Variants in PNPLA8 observed in about 807,000 individuals in gnomAD.
PNPLA8 encodes patatin like domain 8, phospholipase A2.
Under a neutral mutation model 76.9 loss-of-function variants are expected in PNPLA8, and 39 were observed. The ratio of observed to expected loss-of-function variants is 0.51; its 90% CI spans 0.39 to 0.66. The LOEUF is 0.66. Ranked by LOEUF, PNPLA8 falls within the 30% of genes least tolerant of loss-of-function variation. PNPLA8 has a pLI of 0.00. For synonymous variants in PNPLA8, 301 were observed against 307.9 expected (o/e 0.98, Z 0.24); for missense variants, 887 against 918.0 (o/e 0.97, Z 0.44).
Position 108,497,410 on chromosome 7 carries a change from TA to T in PNPLA8, c.1453+72del, listed in dbSNP as rs1443136850. ...TGAAGAAGGCAAAGGACTATGATCT[TA>T]AACATAAGTGCTTAATGTTCTTTTC... On this transcript the variant is annotated intron_variant, in intron 6 of 10. Transcript: ENST00000257694. The T allele has an allele frequency of 7.9e-5, 80 of 1,015,846 alleles. 1 individual carries two copies. The Admixed American group carries it at 1.1e-3, about 14-fold the overall frequency. 62.9% of individuals were successfully genotyped at this position (1,015,846 alleles called of 1,614,324 possible).
rs763931573 is a variant in PNPLA8 at position 108,487,890 on chromosome 7, A to G, written c.1747T>C (p.Tyr583His). 7 of 1,613,576 alleles carry G rather than the reference A, an allele frequency of 4.3e-6. No homozygotes were observed. The East Asian group carries it at 1.6e-4, about 36-fold the overall frequency. Reference protein sequence around the residue: ...ITPKAFVFRNYGHFPGINSHY... With the variant: ...ITPKAFVFRNHGHFPGINSHY... ...GAGTTGATTCCAGGAAAATGACCAT[A>G]GTTTCTGAACACAAAAGCTTTGGGT... The change falls in exon 9 of 11, where the codon TAT (tyrosine) becomes CAT (histidine). Residue 583 changes from tyrosine to histidine, a missense_variant. Tyr to His is a moderately conservative substitution (Grantham distance 83, BLOSUM62 2). Transcript: ENST00000257694.
At chr7:108,488,045 A>C in intron 8 of PNPLA8, 92 bp from the exon 9 acceptor site, 1 of 625,478 alleles carries the variant, frequency 1.6e-6, no homozygotes, top group Non-Finnish European at 2.8e-6. Flanking sequence ...ATGAATGAAC[A>C]ATCTACAACT....
At chr7:108,496,537 T>C in intron 7 of PNPLA8, 47 bp downstream of exon 7, 1 of 1,192,042 alleles carries the variant, frequency 8.4e-7, no homozygotes, top group Non-Finnish European at 1.2e-6. Flanking sequence ...AATATGCACA[T>C]ACTACCTATA....
chr7:108,500,841 G>C (rs971766096), intron 5 of PNPLA8, among the ~76,000 whole-genome samples: 6 of 151,994 alleles, frequency 3.9e-5, no homozygotes, highest in African/African-American at 1.5e-4. Flanking sequence ...TTGAACCTGG[G>C]AGGTGGAGGT....
At chr7:108,475,972 A>G (rs1859963589) in intron 10 of PNPLA8, among the ~76,000 whole-genome samples, 1 of 152,214 alleles carries the variant, frequency 6.6e-6, no homozygotes, top group Admixed American at 6.5e-5. Context: ...CAAATCCTAT[A>G]CATCCTTTAA....
chr7:108,521,566 G>T, intron 1 of PNPLA8, 45 bp from the exon 2 acceptor site: 1 of 330,652 alleles, frequency 3.0e-6, no homozygotes, highest in Non-Finnish European at 4.3e-6. Flanking sequence ...TATAAAGTCA[G>T]CCTGAGAAGT....
At chr7:108,490,472 A>G (rs1861068341) in intron 8 of PNPLA8, among the ~76,000 whole-genome samples, 1 of 152,208 alleles carries the variant, frequency 6.6e-6, no homozygotes, top group Non-Finnish European at 1.5e-5. Context: ...GAGGCATATA[A>G]AATTTCTCTT....
chr7:108,480,715 C>A, intron 9 of PNPLA8: 1 of 420,554 alleles, frequency 2.4e-6, no homozygotes, highest in African/African-American at 2.0e-5. Context: ...CCTTGTAAAG[C>A]AGCTCATTTC....
intron 9 of PNPLA8, chr7:108,480,775 T>G (rs1860336459): frequency 5.2e-6 from 2 of 386,994 alleles, no homozygotes; most frequent in Admixed American, 5.4e-5. Context: ...TTAACTTTTT[T>G]GGTATGCAGC....
At chr7:108,526,633 G>T (rs1864107726), upstream of PNPLA8, among the ~76,000 whole-genome samples, 3 of 152,210 alleles carry the variant, frequency 2.0e-5, no homozygotes, top group Non-Finnish European at 2.9e-5. Context: ...GCGCGGCCGC[G>T]CCCCTTTCTC....
rs148811346 is a variant in PNPLA8 at position 108,474,468 on chromosome 7, G to A, written c.2075-1793C>T. The stretch of plus-strand genomic sequence containing the variant: ...CTCTATAGACAACCTGGTTGCCTAT[G>A]TTGACAATTTTGAGAAAGCTATAGA... On this transcript the variant is annotated intron_variant, in intron 10 of 10. Coordinates refer to ENST00000257694, the MANE Select transcript of PNPLA8 (RefSeq NM_001256007.3). Among the ~76,000 whole-genome samples the A allele has an allele frequency of 6.7e-3, 1,028 of 152,298 alleles. 50 individuals carry two copies. The highest frequency in any genetic ancestry group is 0.063 in the Admixed American group (966 of 15,288).
At chr7:108,488,030 G>T in intron 8 of PNPLA8, 77 bp from the exon 9 acceptor site, 1 of 788,406 alleles carries the variant, frequency 1.3e-6, no homozygotes, top group Non-Finnish European at 2.1e-6. Context: ...ATACTATTTA[G>T]TAGTATGAAT....
rs1225660158 is a variant in PNPLA8 at position 108,521,506 on chromosome 7, TGGA to T, written c.-117_-115del. The T allele has an allele frequency of 1.2e-6, 1 of 815,134 alleles. No individual in the cohort carries two copies. The highest frequency in any genetic ancestry group is 1.5e-6 in the Non-Finnish European group (1 of 674,602). The allele number at this position is 815,134 out of a possible 1,614,324, so 50.5% of individuals were successfully genotyped here. ...AAACTTCAGGTAATCATGTAGACCT[TGGA>T]GGAGAAGACAATCTATTGAGAAATA... is the stretch of plus-strand genomic sequence containing the variant. On this transcript the variant is annotated 5_prime_UTR_variant, in exon 2 of 11. Transcript: ENST00000257694.
At chr7:108,476,919 T>A (rs1313444118) in intron 10 of PNPLA8, among the ~76,000 whole-genome samples, 1 of 152,078 alleles carries the variant, frequency 6.6e-6, no homozygotes, top group Non-Finnish European at 1.5e-5. Flanking sequence ...AACATTTACA[T>A]GTGGAATCTA....
At chr7:108,486,346 A>C (rs2154515102) in intron 9 of PNPLA8, among the ~76,000 whole-genome samples, 1 of 152,254 alleles carries the variant, frequency 6.6e-6, no homozygotes, top group East Asian at 1.9e-4. Flanking sequence ...AATTTATGAC[A>C]TGGTACATAA....
chr7:108,515,036 T>A lies in PNPLA8; in HGVS notation c.456A>T (p.Gln152His). The A allele has an allele frequency of 6.2e-7, 1 of 1,607,844 alleles. No individual in the cohort carries two copies. Among genetic ancestry groups the A allele is most frequent in the Non-Finnish European group, 8.5e-7 (1 of 1,179,916 alleles). ...SGWLKQKNIKQAIKSLKKYSD... is the reference protein window; with the variant it reads ...SGWLKQKNIKHAIKSLKKYSD... The stretch of plus-strand genomic sequence containing the variant: ...TATATTTTTTCAGAGATTTGATGGC[T>A]TGTTTGATGTTTTTCTGTTTTAACC... The change falls in exon 3 of 11, where the codon CAA (glutamine) becomes CAT (histidine). Residue 152 changes from glutamine (Q) to histidine (H), a missense_variant. Coordinates refer to ENST00000257694, the MANE Select transcript of PNPLA8 (RefSeq NM_001256007.3).
chr7:108,495,279 T>C (rs1295053704), intron 7 of PNPLA8, among the ~76,000 whole-genome samples: 1 of 152,200 alleles, frequency 6.6e-6, no homozygotes, highest in Non-Finnish European at 1.5e-5. Context: ...TATTTTGAAC[T>C]GCAAGAGTAT....
At chr7:108,487,447 C>T (rs989478377) in intron 9 of PNPLA8, among the ~76,000 whole-genome samples, 2 of 152,098 alleles carry the variant, frequency 1.3e-5, no homozygotes, top group Non-Finnish European at 2.9e-5. Context: ...GAGTGTATAT[C>T]GTTTTTACTT....
At position 108,520,361 on chromosome 7, in the gene PNPLA8, T is replaced by C. The variant is rs192240495; in HGVS notation, c.-84+1115A>G. On this transcript the variant is annotated intron_variant, in intron 2 of 10. Coordinates refer to ENST00000257694, the MANE Select transcript of PNPLA8 (RefSeq NM_001256007.3). The stretch of plus-strand genomic sequence containing the variant: ...AAGCCATGCTCTGTTTTCACTTATA[T>C]GTAGGAGCTAAAAAAAATTGGATCT... Among the ~76,000 whole-genome samples the C allele has an allele frequency of 4.1e-3, 621 of 152,270 alleles. 2 individuals carry two copies. The highest frequency in any genetic ancestry group is 6.5e-3 in the Non-Finnish European group (443 of 68,030).
Sources: gnomAD v4.1 joint callset for allele counts (sites outside exome capture counted in the v4.1 genomes callset) on GRCh38, gnomAD v4.1.1 for gene constraint, MANE v1.5 for transcripts, NCBI Gene and HGNC (gene_info 2026-07-23, HGNC 2026-07-21) for gene names.